SPTB: variants seen among roughly 807,000 people sequenced by gnomAD.
The protein encoded by SPTB is spectrin beta chain, erythrocytic.
Under a neutral mutation model 256.2 loss-of-function variants are expected in SPTB, and 45 were observed. The observed-to-expected ratio is 0.18, with a 90% CI of 0.14 to 0.23. The LOEUF (loss-of-function observed/expected upper bound fraction) is 0.23. Ranked by LOEUF, SPTB falls within the 10% of genes least tolerant of loss-of-function variation. SPTB has a pLI of 1.00. For missense variants in SPTB, 2,715 were observed against 3,040.4 expected (o/e 0.89, Z 2.52); for synonymous variants, 1,231 against 1,243.1 (o/e 0.99, Z 0.21).
Position 64,822,298 on chromosome 14 carries a change from G to A in SPTB, c.148+649C>T, listed in dbSNP as rs376361274. On this transcript the variant is annotated intron_variant, in intron 2 of 35. Transcript: ENST00000644917. The stretch of plus-strand genomic sequence containing the variant: ...CCCAAGAATCAGATATCAGCCAACA[G>A]GGGGAGGAGAAGTCATTTCTACTAG... 1.1e-4 allele frequency among the ~76,000 whole-genome samples: 13 copies of A among 123,500 alleles called. No homozygotes were observed. The Admixed American group carries it at 1.1e-3, about 10-fold the overall frequency. The allele number at this position is 123,500 out of a possible 152,430, so 81.0% of individuals were successfully genotyped here.
intron 15 of SPTB, among the ~76,000 whole-genome samples, chr14:64,789,688 T>C (rs2082637324): frequency 6.6e-6 from 1 of 152,164 alleles, no homozygotes; most frequent in Non-Finnish European, 1.5e-5. Flanking sequence ...GCAATATAAA[T>C]AGATACAGGT....
chr14:64,772,622 C>T lies in SPTB; in HGVS notation c.5511G>A (p.Val1837=), dbSNP rs1412486304. 3.1e-6 allele frequency: 5 copies of T among 1,612,212 alleles called. No individual in the cohort carries two copies. In the African/African-American group the frequency reaches 4.0e-5, roughly 13 times the overall value. ...DASTAESFHR[V]HTAFERELHL... is the part of the protein sequence containing the mutation. ...GGAGCTCCCGCTCGAAGGCTGTGTG[C>T]ACCCGGTGGAAGGACTCGGCCGTGC... Residue 1837 remains valine, a synonymous_variant, in exon 26 of 36, where the codon GTG becomes GTA. Transcript: ENST00000644917. This position sits in a 1 kb window ranked among gnomAD's most constrained non-coding sequence, Gnocchi z 5.4.
intron 1 of SPTB, among the ~76,000 whole-genome samples, chr14:64,833,491 G>A (rs1343195953): frequency 2.6e-5 from 4 of 151,784 alleles, no homozygotes; most frequent in African/African-American, 7.3e-5. Flanking sequence ...GGCAGAGGTT[G>A]CAGTGAGCCA....
Position 64,747,371 on chromosome 14 carries a change from TCA to T in SPTB, c.*1933_*1934del, listed in dbSNP as rs1357886340. ...CTACTTTATTGCTAGGTGAGTGCAGTCACCTCACTGCCTTGGTTTCCCCAGAT... is the reference window on the plus strand; with the variant it reads ...CTACTTTATTGCTAGGTGAGTGCAGTCCTCACTGCCTTGGTTTCCCCAGAT... On this transcript the variant is annotated 3_prime_UTR_variant, in exon 36 of 36. Coordinates refer to ENST00000644917, the MANE Select transcript of SPTB (RefSeq NM_001355436.2). The T allele has an allele frequency of 6.5e-6, 1 of 152,672 alleles. No individual in the cohort carries two copies. Among genetic ancestry groups the T allele is most frequent in the Non-Finnish European group, 1.5e-5 (1 of 68,058 alleles). The allele number at this position is 152,672 out of a possible 1,614,324, so 9.5% of individuals were successfully genotyped here.
At chr14:64,769,246 C>A in intron 28 of SPTB, 128 bp from the exon 29 acceptor site, 1 of 951,108 alleles carries the variant, frequency 1.1e-6, no homozygotes, top group Non-Finnish European at 1.7e-6. Flanking sequence ...CTTGGCCCAG[C>A]TGCTTGCCAG....
chr14:64,805,105 G>A lies in SPTB; in HGVS notation c.149-15C>T. On this transcript the variant is annotated splice_polypyrimidine_tract_variant and intron_variant, in intron 2 of 35. Transcript: ENST00000644917. ...TTCCCGCTCATCTAGGTGGAGAGAAGAACCTTGGTGAGGTGCCTGAGGTTG... is the reference window on the plus strand; with the variant it reads ...TTCCCGCTCATCTAGGTGGAGAGAAAAACCTTGGTGAGGTGCCTGAGGTTG... 3 of 1,614,194 alleles carry A rather than the reference G, an allele frequency of 1.9e-6. No homozygotes were observed. Among genetic ancestry groups the A allele is most frequent in the Non-Finnish European group, 2.5e-6 (3 of 1,180,040 alleles).
chr14:64,814,797 C>T (rs8022355), intron 2 of SPTB, among the ~76,000 whole-genome samples: 16,177 of 152,238 alleles, frequency 0.11, 1,511 homozygotes, highest in African/African-American at 0.24. Flanking sequence ...TGAGCCACTG[C>T]GTCCAGCTCC....
chr14:64,844,680 AG>A lies in SPTB; in HGVS notation c.-51-21536del, dbSNP rs2083662830. On this transcript the variant is annotated intron_variant, in intron 1 of 35. Transcript: ENST00000644917. The surrounding 1 kb of genome is among the most constrained non-coding windows in gnomAD (Gnocchi z 4.1). ...ACATTTAGCAGGGCTTTAATTGAAA[AG>A]TAACATGAAGAAGAGGCTATGACTT... 6.6e-6 allele frequency among the ~76,000 whole-genome samples: 1 copy of A among 152,202 alleles called. No homozygotes were observed. Among genetic ancestry groups the A allele is most frequent in the Non-Finnish European group, 1.5e-5 (1 of 68,046 alleles).
At chr14:64,872,586 T>A (rs2094253578) in intron 1 of SPTB, among the ~76,000 whole-genome samples, 1 of 152,338 alleles carries the variant, frequency 6.6e-6, no homozygotes, top group Middle Eastern at 3.4e-3. Flanking sequence ...GCTCTCCCCA[T>A]GACACCCTGC....
Position 64,845,833 on chromosome 14 carries a change from ATG to A in SPTB, c.-51-22690_-51-22689del, listed in dbSNP as rs916183670. Among the ~76,000 whole-genome samples, 2 of 151,942 alleles carry A rather than the reference ATG, an allele frequency of 1.3e-5. No individual in the cohort carries two copies. Among genetic ancestry groups the A allele is most frequent in the Non-Finnish European group, 2.9e-5 (2 of 67,988 alleles). ...TAAAATGTTATCATTTTAATTTTTA[ATG>A]TGTGTGTGTGTTATTTATGAAACAC... On this transcript the variant is annotated intron_variant, in intron 1 of 35. Transcript: ENST00000644917. The surrounding 1 kb of genome is among the most constrained non-coding windows in gnomAD (Gnocchi z 4.8).
In SPTB at chr14:64,785,477, G is replaced by A; in HGVS notation, c.3855+60C>T. On this transcript the variant is annotated intron_variant, in intron 18 of 35. Transcript: ENST00000644917. This position sits in a 1 kb window ranked among gnomAD's most constrained non-coding sequence, Gnocchi z 4.4. ...ATCCCTGTGGACTTCCTGCCTTGAG[G>A]GAACTCTGCTTCTAGAAAGGAATCT... is the stretch of plus-strand genomic sequence containing the variant. 6.8e-7 allele frequency: 1 copy of A among 1,478,842 alleles called. No individual in the cohort carries two copies. The highest frequency in any genetic ancestry group is 2.3e-5 in the East Asian group (1 of 42,746). 91.6% of individuals were successfully genotyped at this position (1,478,842 alleles called of 1,614,324 possible). A position where few individuals can be genotyped will look rare whatever the true frequency, so the allele number is the denominator to read the frequency against.
At chr14:64,843,972 A>G (rs1385303255) in intron 1 of SPTB, among the ~76,000 whole-genome samples, 1 of 152,190 alleles carries the variant, frequency 6.6e-6, no homozygotes, top group Non-Finnish European at 1.5e-5. Flanking sequence ...AATTTGGGAT[A>G]TTTCCTTTCA....
At chr14:64,787,976 C>A (rs1594776792) in intron 15 of SPTB, among the ~76,000 whole-genome samples, 1 of 152,222 alleles carries the variant, frequency 6.6e-6, no homozygotes, top group Admixed American at 6.5e-5. Context: ...TTCTCGAACA[C>A]CCACAGGGGT....
chr14:64,751,057 A>ATATATAACATTTATAG (rs889146911), intron 33 of SPTB, among the ~76,000 whole-genome samples: 1 of 143,314 alleles, frequency 7.0e-6, no homozygotes, highest in Non-Finnish European at 1.5e-5. Flanking sequence ...ATATTATATA[A>ATATATAACATTTATAG]TATATAACAT....
At position 64,806,026 on chromosome 14, in the gene SPTB, G is replaced by A. The variant is rs1390817548; in HGVS notation, c.149-936C>T. ...CAGTTCAGGTGGGGTACTTCTTACT[G>A]CCTCTGTACAAATAATGCTGGTGGT... is the stretch of plus-strand genomic sequence containing the variant. On this transcript the variant is annotated intron_variant, in intron 2 of 35. Coordinates refer to ENST00000644917, the MANE Select transcript of SPTB (RefSeq NM_001355436.2). This position sits in a 1 kb window ranked among gnomAD's most constrained non-coding sequence, Gnocchi z 4.1. 6.6e-6 allele frequency among the ~76,000 whole-genome samples: 1 copy of A among 151,990 alleles called. No individual in the cohort carries two copies. Among genetic ancestry groups the A allele is most frequent in the Non-Finnish European group, 1.5e-5 (1 of 68,020 alleles).
In SPTB at chr14:64,784,407, G is replaced by T. The variant is rs763697292; in HGVS notation, c.3856-14C>A. The stretch of plus-strand genomic sequence containing the variant: ...CCAGAGAGTGAGCTGTGTGCATAAA[G>T]AGTGGGCTGACTATCCCTGAGTATA... On this transcript the variant is annotated splice_polypyrimidine_tract_variant and intron_variant, in intron 18 of 35. Coordinates refer to ENST00000644917, the MANE Select transcript of SPTB (RefSeq NM_001355436.2). The T allele has an allele frequency of 7.4e-6, 12 of 1,613,972 alleles. No homozygotes were observed. The highest frequency in any genetic ancestry group is 1.1e-5 in the South Asian group (1 of 91,072).
Position 64,753,689 on chromosome 14 carries a change from C to T in SPTB, c.6450G>A (p.Glu2150=), listed in dbSNP as rs548137633. Residue 2150 remains glutamate (E), a synonymous_variant, in exon 33 of 36, where the codon GAG becomes GAA. Coordinates refer to ENST00000644917, the MANE Select transcript of SPTB (RefSeq NM_001355436.2). ...KSTGDERPTT[E]PLFKVLDTPL... is the part of the protein sequence containing the mutation. The stretch of plus-strand genomic sequence containing the variant: ...GCGTATCTAGGACCTTAAAGAGGGG[C>T]TCCGTGGTGGGCCTCTCATCCCCAG... 1 of 1,613,752 alleles carries T rather than the reference C, an allele frequency of 6.2e-7. No homozygotes were observed. The highest frequency in any genetic ancestry group is 2.2e-5 in the East Asian group (1 of 44,874).
intron 32 of SPTB, chr14:64,763,961 C>T: frequency 2.0e-6 from 1 of 498,394 alleles, no homozygotes; most frequent in Admixed American, 2.0e-5. Context: ...GCTGTCCAGA[C>T]AGGAGCAGGG....
At chr14:64,838,588 G>A (rs2083560043) in intron 1 of SPTB, among the ~76,000 whole-genome samples, 1 of 151,952 alleles carries the variant, frequency 6.6e-6, no homozygotes, top group African/African-American at 2.4e-5. Flanking sequence ...TTGTACAGAC[G>A]CTTTACCAAA....
Sources: gnomAD v4.1 joint callset for allele counts (sites outside exome capture counted in the v4.1 genomes callset) on GRCh38, gnomAD v4.1.1 for gene constraint, Gnocchi (gnomAD v3.1) non-coding constraint, MANE v1.5 for transcripts, NCBI Gene and HGNC (gene_info 2026-07-23, HGNC 2026-07-21) for gene names.